The following MDM2 variants were observed in gnomAD, a reference collection of about 807,000 sequenced individuals.
MDM2 encodes the protein E3 ubiquitin-protein ligase Mdm2.
A neutral mutation model predicts 64.3 loss-of-function variants in MDM2; 11 were observed. The ratio of observed to expected loss-of-function variants is 0.17; its 90% CI spans 0.11 to 0.28. The LOEUF is 0.28. Ranked by LOEUF, MDM2 falls within the 10% of genes least tolerant of loss-of-function variation. MDM2 has a pLI of 1.00. For missense variants in MDM2, 388 were observed against 577.1 expected (o/e 0.67, Z 3.36); for synonymous variants, 194 against 192.9 (o/e 1.01, Z -0.05).
At chr12:68,813,030 GACTA>G (rs146975456) in intron 2 of MDM2, among the ~76,000 whole-genome samples, 3,368 of 152,206 alleles carry the variant, frequency 0.022, 125 homozygotes, top group African/African-American at 0.077. Context: ...TTGAAATGTA[GACTA>G]ACTAAGAGGC....
At chr12:68,816,139 C>A (rs1881348667) in intron 3 of MDM2, among the ~76,000 whole-genome samples, 1 of 152,118 alleles carries the variant, frequency 6.6e-6, no homozygotes, top group Non-Finnish European at 1.5e-5. Flanking sequence ...TAAGTGGCTC[C>A]AGACCACTGC....
At chr12:68,808,938 C>T in intron 1 of MDM2, 1 of 1,373,888 alleles carries the variant, frequency 7.3e-7, no homozygotes, top group Admixed American at 3.3e-5. Flanking sequence ...AGTTCAGACA[C>T]GTTCCGAAAC....
rs117039649 is a variant in MDM2 at position 68,808,776 on chromosome 12, G to C, written c.14+285G>C. ...GCGGGAGTTCAGGGTAAAGGTCACG[G>C]GGGCCGGGGGCTGCGGGGCCGCTTC... On this transcript the variant is annotated intron_variant, in intron 1 of 10. Coordinates refer to ENST00000258149, the MANE Select transcript of MDM2 (RefSeq NM_002392.6). Among the ~76,000 whole-genome samples, 3,423 of 152,170 alleles carry C rather than the reference G, an allele frequency of 0.022. 63 individuals carry two copies. Among genetic ancestry groups the C allele is most frequent in the Middle Eastern group, 0.048 (14 of 292 alleles).
chr12:68,812,335 C>CA (rs1377668931), intron 2 of MDM2, among the ~76,000 whole-genome samples: 7 of 152,088 alleles, frequency 4.6e-5, no homozygotes, highest in African/African-American at 1.7e-4. Context: ...AAGGCATCCC[C>CA]AATGGGGGTG....
At chr12:68,813,053 A>G (rs1158622420) in intron 2 of MDM2, among the ~76,000 whole-genome samples, 3 of 152,214 alleles carry the variant, frequency 2.0e-5, no homozygotes, top group Non-Finnish European at 4.4e-5. Context: ...GCAGCATGAT[A>G]TAGTAGGAAG....
chr12:68,836,558 A>G (rs1565746216), intron 9 of MDM2, 114 bp from the exon 10 acceptor site: 2 of 792,564 alleles, frequency 2.5e-6, no homozygotes. Context: ...GATATTGTCT[A>G]AGGCTTTCTC....
chr12:68,833,690 G>C (rs1883088378), intron 8 of MDM2, among the ~76,000 whole-genome samples: 1 of 151,972 alleles, frequency 6.6e-6, no homozygotes, highest in African/African-American at 2.4e-5. Flanking sequence ...AGGAGCAACT[G>C]TAGACAACAA....
At chr12:68,846,960 A>G (rs1884336106), downstream of MDM2, 2 of 151,568 alleles carry the variant, frequency 1.3e-5, no homozygotes, top group African/African-American at 2.4e-5. Context: ...GTAGCCTTGA[A>G]TTAACCCCTA....
chr12:68,849,721 G>T (rs1884573494), downstream of MDM2: 1 of 149,170 alleles, frequency 6.7e-6, no homozygotes, highest in Non-Finnish European at 1.5e-5. Context: ...CTCGTGATCT[G>T]CCTGCCTCGG....
chr12:68,847,147 CATAT>C (rs63483363), downstream of MDM2: 3 of 120,618 alleles, frequency 2.5e-5, no homozygotes, highest in African/African-American at 1.1e-4. Flanking sequence ...ACATATATTA[CATAT>C]ATATATATAA....
At chr12:68,809,063 G>A (rs1022589399) in intron 1 of MDM2, 145 bp from the exon 2 acceptor site, 28 of 1,498,896 alleles carry the variant, frequency 1.9e-5, no homozygotes, top group Non-Finnish European at 2.5e-5. Flanking sequence ...ACGGACGCAC[G>A]CCACTTTTTC....
chr12:68,816,592 C>T (rs983558871), intron 3 of MDM2, among the ~76,000 whole-genome samples: 2 of 151,914 alleles, frequency 1.3e-5, no homozygotes, highest in African/African-American at 2.4e-5. Flanking sequence ...CTCCTGACCT[C>T]GTGATCCATC....
intron 5 of MDM2, among the ~76,000 whole-genome samples, 191 bp downstream of exon 5, chr12:68,820,565 T>C (rs1881759652): frequency 6.6e-6 from 1 of 152,210 alleles, no homozygotes; most frequent in African/African-American, 2.4e-5. Flanking sequence ...TAATGTAAAG[T>C]TAAATATCCT....
chr12:68,826,051 C>T (rs1438597599), intron 7 of MDM2, among the ~76,000 whole-genome samples: 1 of 151,956 alleles, frequency 6.6e-6, no homozygotes. Flanking sequence ...AAAGTCTTCC[C>T]AAATCAATAA....
Position 68,808,283 on chromosome 12 carries a change from C to A in MDM2, c.-195C>A, listed in dbSNP as rs947096836. The A allele has an allele frequency of 4.6e-6, 3 of 649,020 alleles. No individual in the cohort carries two copies. Among genetic ancestry groups the A allele is most frequent in the African/African-American group, 3.7e-5 (2 of 53,730 alleles). 40.2% of individuals were successfully genotyped at this position (649,020 alleles called of 1,614,324 possible). A position where few individuals can be genotyped will look rare whatever the true frequency, so the allele number is the denominator to read the frequency against. ...AGCCGAGCCCGAGGGGCGGCCGCGACCCCTCTGACCGAGATCCTGCTGCTT... is the reference window on the plus strand; with the variant it reads ...AGCCGAGCCCGAGGGGCGGCCGCGAACCCTCTGACCGAGATCCTGCTGCTT... On this transcript the variant is annotated 5_prime_UTR_variant, in exon 1 of 11. Coordinates refer to ENST00000258149, the MANE Select transcript of MDM2 (RefSeq NM_002392.6).
intron 3 of MDM2, among the ~76,000 whole-genome samples, chr12:68,816,225 A>G (rs1881357804): frequency 6.6e-6 from 1 of 151,972 alleles, no homozygotes. Context: ...TCCCTTCCTA[A>G]TATGTTAGTA....
At chr12:68,816,730 C>A in intron 3 of MDM2, 82 bp from the exon 4 acceptor site, 4 of 1,183,636 alleles carry the variant, frequency 3.4e-6, no homozygotes, top group Non-Finnish European at 4.7e-6. Context: ...TACCCCTATT[C>A]AGATAAATAG....
intron 8 of MDM2, among the ~76,000 whole-genome samples, chr12:68,835,369 G>A (rs1271318186): frequency 6.6e-6 from 1 of 152,180 alleles, no homozygotes; most frequent in Admixed American, 6.5e-5. Flanking sequence ...TGTGGAAGTT[G>A]AAATGCCAAG....
chr12:68,814,550 T>C, intron 3 of MDM2: 2 of 349,462 alleles, frequency 5.7e-6, no homozygotes, highest in South Asian at 2.2e-5. Flanking sequence ...AAAATAAGAA[T>C]AGAATTTTTT....
Sources: gnomAD v4.1 joint callset for allele counts (sites outside exome capture counted in the v4.1 genomes callset) on GRCh38, gnomAD v4.1.1 for gene constraint, MANE v1.5 for transcripts, NCBI Gene and HGNC (gene_info 2026-07-23, HGNC 2026-07-21) for gene names.